FTO: variants seen among roughly 807,000 people sequenced by gnomAD.
The protein encoded by FTO is alpha-ketoglutarate-dependent dioxygenase FTO.
In FTO, 47 loss-of-function variants were observed where a neutral mutation model predicts 63.9. That is an observed-to-expected ratio of 0.74 (90% CI 0.58 to 0.94). The LOEUF is 0.94. Among genes scored for constraint, FTO ranks in the 40% least tolerant of loss-of-function variants. The probability of loss-of-function intolerance (pLI) is 0.00; values close to 1 mark genes in which losing one functional copy is unlikely to be tolerated. For synonymous variants in FTO, 207 were observed against 224.4 expected, an observed-to-expected ratio of 0.92 and a Z score of 0.69; for missense variants, 562 against 618.1, an observed-to-expected ratio of 0.91 and a Z score of 0.96.
At chr16:53,939,236 T>A (rs2082465757) in intron 8 of FTO, among the ~76,000 whole-genome samples, 1 of 152,236 alleles carries the variant, frequency 6.6e-6, no homozygotes, top group African/African-American at 2.4e-5. Flanking sequence ...AGGTTTTGGC[T>A]TGACTATCTA....
At chr16:53,847,049 G>T (rs935350277) in intron 4 of FTO, among the ~76,000 whole-genome samples, 8 of 152,152 alleles carry the variant, frequency 5.3e-5, no homozygotes, top group African/African-American at 1.7e-4. Flanking sequence ...GTAGTAATAT[G>T]AATAAAACCA....
chr16:53,794,987 C>G (rs79226694), intron 1 of FTO, among the ~76,000 whole-genome samples: 4 of 151,988 alleles, frequency 2.6e-5, no homozygotes, highest in African/African-American at 9.7e-5. Flanking sequence ...TGAATTTTTA[C>G]AGAAAAGTCA....
chr16:53,752,348 A>T (rs1308016626), intron 1 of FTO, among the ~76,000 whole-genome samples: 1 of 152,178 alleles, frequency 6.6e-6, no homozygotes, highest in Non-Finnish European at 1.5e-5. Flanking sequence ...CTTTAAAAAA[A>T]AATTATACTT....
At chr16:53,785,971 G>A (rs1426768291) in intron 1 of FTO, among the ~76,000 whole-genome samples, 1 of 150,872 alleles carries the variant, frequency 6.6e-6, no homozygotes, top group African/African-American at 2.4e-5. Flanking sequence ...TTTACGCAAA[G>A]TGGGAGCTCA....
intron 8 of FTO, among the ~76,000 whole-genome samples, chr16:53,966,196 T>C (rs530684086): frequency 6.6e-6 from 1 of 152,324 alleles, no homozygotes; most frequent in Admixed American, 6.5e-5. Context: ...AGGATGTATA[T>C]TTAAGTGCTT....
intron 8 of FTO, among the ~76,000 whole-genome samples, chr16:54,020,650 G>A (rs146366312): frequency 7.2e-5 from 11 of 152,288 alleles, no homozygotes; most frequent in African/African-American, 2.4e-4. Flanking sequence ...AAAAAGAGAT[G>A]GATCAAGATG....
At chr16:53,796,458 A>T (rs935527663) in intron 1 of FTO, among the ~76,000 whole-genome samples, 35 of 152,222 alleles carry the variant, frequency 2.3e-4, no homozygotes, top group African/African-American at 8.4e-4. Context: ...TAAAATGAAT[A>T]TAAAGCTAAA....
At chr16:53,929,996 C>T (rs1443620687) in intron 7 of FTO, among the ~76,000 whole-genome samples, 1 of 152,048 alleles carries the variant, frequency 6.6e-6, no homozygotes, top group Non-Finnish European at 1.5e-5. Flanking sequence ...ACATGAGGAC[C>T]ACACTGTGAG....
chr16:53,746,313 T>C (rs2076650577), intron 1 of FTO, among the ~76,000 whole-genome samples: 5 of 152,314 alleles, frequency 3.3e-5, no homozygotes, highest in South Asian at 4.1e-4. Context: ...GGGGTCTCCA[T>C]TGGGCTGATC....
intron 8 of FTO, among the ~76,000 whole-genome samples, chr16:54,015,530 A>G (rs1212604992): frequency 6.6e-6 from 1 of 151,914 alleles, no homozygotes; most frequent in Non-Finnish European, 1.5e-5. Context: ...CCATGGCACA[A>G]ATGCCCATGG....
Position 54,063,765 on chromosome 16 carries a change from G to T in FTO, c.1365-47997G>T, listed in dbSNP as rs531052971. 1.9e-4 allele frequency: 28 copies of T among 150,198 alleles called. 1 individual carries two copies. The highest frequency in any genetic ancestry group is 6.2e-4 in the African/African-American group (25 of 40,402). 9.3% of individuals were successfully genotyped at this position (150,198 alleles called of 1,614,324 possible). A position where few individuals can be genotyped will look rare whatever the true frequency, so the allele number is the denominator to read the frequency against. On this transcript the variant is annotated intron_variant, in intron 8 of 8. Transcript: ENST00000471389. The stretch of plus-strand genomic sequence containing the variant: ...GCGTAGCTATATCGGGGATCCAAAG[G>T]TTTCACACAGGATGAGTCCTGTGTC...
At chr16:53,904,361 G>A (rs77957930) in intron 7 of FTO, among the ~76,000 whole-genome samples, 2,712 of 152,264 alleles carry the variant, frequency 0.018, 70 homozygotes, top group African/African-American at 0.062. Flanking sequence ...TCTCTTAATT[G>A]CTATAATAAT....
intron 8 of FTO, among the ~76,000 whole-genome samples, chr16:54,084,903 T>C (rs2086227484): frequency 1.3e-5 from 2 of 152,146 alleles, no homozygotes; most frequent in South Asian, 4.1e-4. Flanking sequence ...AAGGATGCAA[T>C]TGACTCAACT....
Position 53,911,225 on chromosome 16 carries a change from T to C in FTO, c.1239+22274T>C, listed in dbSNP as rs1328531754. On this transcript the variant is annotated intron_variant, in intron 7 of 8. Coordinates refer to ENST00000471389, the MANE Select transcript of FTO (RefSeq NM_001080432.3). ...CAGGCATCTCCACAGAGACAGTGGCTGAGCGATTGGAGTGAGTAAGAGAGA... is the reference window on the plus strand; with the variant it reads ...CAGGCATCTCCACAGAGACAGTGGCCGAGCGATTGGAGTGAGTAAGAGAGA... 4 of 597,522 alleles carry C rather than the reference T, an allele frequency of 6.7e-6. No individual in the cohort carries two copies. The Admixed American group carries it at 1.1e-4, about 16-fold the overall frequency. The allele number at this position is 597,522 out of a possible 1,614,324, so 37.0% of individuals were successfully genotyped here. A position where few individuals can be genotyped will look rare whatever the true frequency, so the allele number is the denominator to read the frequency against.
intron 1 of FTO, among the ~76,000 whole-genome samples, chr16:53,706,072 A>G (rs1367372242): frequency 2.0e-5 from 3 of 152,140 alleles, no homozygotes; most frequent in East Asian, 1.9e-4. Context: ...TCTGACTCCA[A>G]ATTCAAGGCT....
chr16:53,746,548 G>A (rs1000252641), intron 1 of FTO, among the ~76,000 whole-genome samples: 1 of 152,100 alleles, frequency 6.6e-6, no homozygotes, highest in Admixed American at 6.6e-5. Context: ...AGAGAATGTA[G>A]TTTCTTTTTT....
chr16:53,792,968 C>A (rs1414341212), intron 1 of FTO, among the ~76,000 whole-genome samples: 1 of 152,068 alleles, frequency 6.6e-6, no homozygotes. Context: ...AAATTATGGA[C>A]AGTATTTGAT....
At position 53,852,101 on chromosome 16, in the gene FTO, C is replaced by CAAAAAAAAAAAA. The variant is rs57004473; in HGVS notation, c.895+7811_895+7822dup. The stretch of plus-strand genomic sequence containing the variant: ...CAAAACTCTGTCTCTACAAAAAATA[C>CAAAAAAAAAAAA]AAAAAAAAAAAAAAAAAAAGCCAGG... On this transcript the variant is annotated intron_variant, in intron 4 of 8. Coordinates refer to ENST00000471389, the MANE Select transcript of FTO (RefSeq NM_001080432.3). Among the ~76,000 whole-genome samples the CAAAAAAAAAAAA allele has an allele frequency of 4.4e-3, 240 of 54,366 alleles. 7 individuals are homozygous for CAAAAAAAAAAAA. The highest frequency in any genetic ancestry group is 0.015 in the Middle Eastern group (1 of 66). 35.7% of individuals were successfully genotyped at this position (54,366 alleles called of 152,430 possible).
chr16:53,788,199 C>T (rs542367358), intron 1 of FTO, among the ~76,000 whole-genome samples: 1 of 152,278 alleles, frequency 6.6e-6, no homozygotes, highest in South Asian at 2.1e-4. Flanking sequence ...AGACTCAAGC[C>T]TTACCTAAAG....
Sources: gnomAD v4.1 joint callset for allele counts (sites outside exome capture counted in the v4.1 genomes callset) on GRCh38, gnomAD v4.1.1 for gene constraint, MANE v1.5 for transcripts, NCBI Gene and HGNC (gene_info 2026-07-23, HGNC 2026-07-21) for gene names.